SH3KBP1: variants seen among roughly 807,000 people sequenced by gnomAD.
SH3KBP1 encodes SH3 domain containing kinase binding protein 1.
In SH3KBP1, 8 loss-of-function variants were observed where a neutral mutation model predicts 50.1. That is an observed-to-expected ratio of 0.16 (90% CI 0.09 to 0.29). SH3KBP1 has a LOEUF of 0.29. SH3KBP1 is among the 10% of genes least tolerant of loss of function. SH3KBP1 has a pLI of 1.00. For missense variants in SH3KBP1, 377 were observed against 535.2 expected (o/e 0.70, Z 2.92); for synonymous variants, 227 against 218.6 (o/e 1.04, Z -0.34).
chrX:19,760,130 G>A (rs962656737), intron 2 of SH3KBP1, among the ~76,000 whole-genome samples: 5 of 103,189 alleles, frequency 4.8e-5, no homozygotes, highest in Non-Finnish European at 9.8e-5. Context: ...GCTCACATCT[G>A]TAATCCCAGC....
intron 6 of SH3KBP1, among the ~76,000 whole-genome samples, chrX:19,679,469 C>T (rs2062998123): frequency 8.9e-6 from 1 of 112,206 alleles, no homozygotes; most frequent in Admixed American, 9.4e-5. Context: ...GGTCAATCAG[C>T]TAGGATGAAG....
intron 1 of SH3KBP1, among the ~76,000 whole-genome samples, chrX:19,875,841 G>A (rs1780476232): frequency 8.9e-6 from 1 of 112,794 alleles, no homozygotes; most frequent in South Asian, 3.6e-4. Context: ...AGCATGGCCA[G>A]AGGGCACACT....
chrX:19,695,516 T>C, intron 5 of SH3KBP1, 96 bp downstream of exon 5: 2 of 1,053,889 alleles, frequency 1.9e-6, no homozygotes, highest in Non-Finnish European at 2.6e-6. Context: ...GCGTTTACTA[T>C]AGCCTCTCGG....
chrX:19,763,250 G>A (rs1448368725), intron 2 of SH3KBP1, among the ~76,000 whole-genome samples: 5 of 111,742 alleles, frequency 4.5e-5, no homozygotes, highest in Non-Finnish European at 9.4e-5. Flanking sequence ...ATAAAAAACT[G>A]GCCTCCAAAA....
chrX:19,703,937 T>C (rs2063590081), intron 4 of SH3KBP1, among the ~76,000 whole-genome samples: 1 of 111,068 alleles, frequency 9.0e-6, no homozygotes, highest in African/African-American at 3.3e-5. Flanking sequence ...TTTCTGTTTA[T>C]TTTTAATCAT....
intron 13 of SH3KBP1, among the ~76,000 whole-genome samples, chrX:19,557,730 T>C (rs1760306905): frequency 8.9e-6 from 1 of 111,945 alleles, no homozygotes; most frequent in Admixed American, 9.5e-5. Flanking sequence ...AGTGGCTATT[T>C]TTCTGAGCAT....
chrX:19,743,725 C>T (rs2064837893), intron 3 of SH3KBP1, among the ~76,000 whole-genome samples: 2 of 112,342 alleles, frequency 1.8e-5, no homozygotes, highest in South Asian at 7.3e-4. Flanking sequence ...TGTCACAAGA[C>T]GCAAAAACAG....
chrX:19,795,126 A>G, intron 2 of SH3KBP1, among the ~76,000 whole-genome samples: 1 of 111,680 alleles, frequency 9.0e-6, no homozygotes. Flanking sequence ...TTCTATGCAC[A>G]CCCCATTATG....
At chrX:19,570,747 G>A (rs764093580) in intron 12 of SH3KBP1, among the ~76,000 whole-genome samples, 1 of 111,611 alleles carries the variant, frequency 9.0e-6, no homozygotes, top group African/African-American at 3.3e-5. Flanking sequence ...CTTGGGCCCA[G>A]GAGTTTGGGA....
intron 9 of SH3KBP1, among the ~76,000 whole-genome samples, chrX:19,601,844 C>T (rs73457674): frequency 0.024 from 2,635 of 110,914 alleles, 73 homozygotes; most frequent in African/African-American, 0.081. Context: ...CTATAGAGTC[C>T]CCAGCAACTG....
At chrX:19,872,965 T>A (rs1056226471) in intron 1 of SH3KBP1, among the ~76,000 whole-genome samples, 9 of 109,335 alleles carry the variant, frequency 8.2e-5, no homozygotes, top group African/African-American at 2.7e-4. Context: ...CCAATTCCCA[T>A]GTGCCAATTC....
At chrX:19,844,569 G>T (rs1257511642) in intron 1 of SH3KBP1, among the ~76,000 whole-genome samples, 1 of 111,386 alleles carries the variant, frequency 9.0e-6, no homozygotes, top group Non-Finnish European at 1.9e-5. Flanking sequence ...CTATATAGCA[G>T]AGGGGCATTC....
intron 3 of SH3KBP1, among the ~76,000 whole-genome samples, chrX:19,736,830 G>T (rs2064593330): frequency 9.0e-6 from 1 of 111,014 alleles, no homozygotes; most frequent in Non-Finnish European, 1.9e-5. Flanking sequence ...AGAGCTTACT[G>T]CAAGTGAATA....
At chrX:19,695,026 A>C in intron 5 of SH3KBP1, 3 of 1,202,153 alleles carry the variant, frequency 2.5e-6, no homozygotes, top group Non-Finnish European at 3.4e-6. Flanking sequence ...AGGGCAGCAG[A>C]GAAGCTGGAG....
chrX:19,539,025 C>T (rs1449459842), intron 16 of SH3KBP1, among the ~76,000 whole-genome samples: 1 of 112,374 alleles, frequency 8.9e-6, no homozygotes, highest in African/African-American at 3.2e-5. Flanking sequence ...GCAATCATGT[C>T]TTAGAGAAAC....
intron 12 of SH3KBP1, among the ~76,000 whole-genome samples, chrX:19,579,369 G>A (rs1039924361): frequency 1.1e-4 from 12 of 111,983 alleles, no homozygotes; most frequent in Middle Eastern, 4.6e-3. Flanking sequence ...AGAGGCGCAA[G>A]GGGCTTTAAG....
intron 4 of SH3KBP1, among the ~76,000 whole-genome samples, chrX:19,704,570 C>A (rs760505293): frequency 4.5e-5 from 5 of 112,306 alleles, no homozygotes; most frequent in African/African-American, 1.6e-4. Context: ...ATTTTGTGTT[C>A]TGATTTGTTC....
chrX:19,698,272 G>A (rs745977024), intron 4 of SH3KBP1, among the ~76,000 whole-genome samples: 16 of 112,009 alleles, frequency 1.4e-4, no homozygotes, highest in African/African-American at 4.9e-4. Context: ...CCAACAGCAC[G>A]GGGCAGCTGG....
chrX:19,540,247 C>T (rs1382260778), intron 16 of SH3KBP1, among the ~76,000 whole-genome samples: 3 of 110,768 alleles, frequency 2.7e-5, no homozygotes, highest in African/African-American at 9.9e-5. Flanking sequence ...TCTCAAGTAC[C>T]ATCTGTCAGT....
Sources: gnomAD v4.1 joint callset for allele counts (sites outside exome capture counted in the v4.1 genomes callset) on GRCh38, gnomAD v4.1.1 for gene constraint, MANE v1.5 for transcripts, NCBI Gene and HGNC (gene_info 2026-07-23, HGNC 2026-07-21) for gene names.